The following SLC24A3 variants were observed in gnomAD, a reference collection of about 807,000 sequenced individuals.
SLC24A3 encodes the protein solute carrier family 24 member 3.
Under a neutral mutation model 75.8 loss-of-function variants are expected in SLC24A3, and 28 were observed. The observed-to-expected ratio is 0.37, with a 90% CI of 0.27 to 0.51. SLC24A3 has a LOEUF of 0.51. Ranked by LOEUF, SLC24A3 falls within the 20% of genes least tolerant of loss-of-function variation. The pLI, the probability that SLC24A3 is intolerant of heterozygous loss-of-function variation, is 0.94. For synonymous variants in SLC24A3, 372 were observed against 334.1 expected (o/e 1.11, Z -1.24); for missense variants, 663 against 847.8 (o/e 0.78, Z 2.71).
At chr20:19,231,850 A>G (rs1982031710) in intron 1 of SLC24A3, among the ~76,000 whole-genome samples, 1 of 152,236 alleles carries the variant, frequency 6.6e-6, no homozygotes, top group Non-Finnish European at 1.5e-5. Flanking sequence ...CACCCACCAC[A>G]TGGAAATTTA....
chr20:19,393,213 T>C (rs573223481), intron 2 of SLC24A3, among the ~76,000 whole-genome samples: 1 of 152,296 alleles, frequency 6.6e-6, no homozygotes, highest in East Asian at 1.9e-4. Context: ...TCATTCTTTA[T>C]GATGAAAGAC....
chr20:19,694,327 T>G (rs1386751408), intron 13 of SLC24A3: 1 of 152,160 alleles, frequency 6.6e-6, no homozygotes, highest in Non-Finnish European at 1.5e-5. Flanking sequence ...GAGTGTTGGA[T>G]AGAAATGTAA....
intron 8 of SLC24A3, among the ~76,000 whole-genome samples, chr20:19,670,527 T>TA (rs1431555040): frequency 2.0e-5 from 3 of 152,236 alleles, no homozygotes; most frequent in Non-Finnish European, 4.4e-5. Context: ...AGAGCATACA[T>TA]ACGCCTGTTT....
chr20:19,256,511 G>C (rs908876915), intron 1 of SLC24A3, among the ~76,000 whole-genome samples: 1 of 152,164 alleles, frequency 6.6e-6, no homozygotes, highest in African/African-American at 2.4e-5. Flanking sequence ...GCTCACGCTT[G>C]TAATTCCGGC....
At chr20:19,585,392 A>G (rs751792543) in intron 5 of SLC24A3, 49 bp from the exon 6 acceptor site, 1 of 1,564,482 alleles carries the variant, frequency 6.4e-7, no homozygotes, top group African/African-American at 1.4e-5. Context: ...CCCACCTTGG[A>G]ATGCAACAGG....
At chr20:19,365,912 T>C (rs1236870956) in intron 2 of SLC24A3, among the ~76,000 whole-genome samples, 2 of 152,236 alleles carry the variant, frequency 1.3e-5, no homozygotes, top group Admixed American at 6.5e-5. Flanking sequence ...TCCTTTATTA[T>C]CTGTTTTTTC....
intron 2 of SLC24A3, among the ~76,000 whole-genome samples, chr20:19,289,933 G>A (rs148038045): frequency 0.01 from 1,545 of 152,298 alleles, 14 homozygotes; most frequent in Non-Finnish European, 0.015. Flanking sequence ...CTCTAAGGTT[G>A]CCTGTCTCCC....
At chr20:19,436,573 G>A (rs1321375655) in intron 2 of SLC24A3, among the ~76,000 whole-genome samples, 2 of 152,160 alleles carry the variant, frequency 1.3e-5, no homozygotes, top group Non-Finnish European at 2.9e-5. Context: ...AGCCCAGGAG[G>A]TCTTCTGGCT....
intron 1 of SLC24A3, among the ~76,000 whole-genome samples, chr20:19,252,468 G>T (rs1343827856): frequency 6.6e-6 from 1 of 152,184 alleles, no homozygotes; most frequent in Admixed American, 6.5e-5. Flanking sequence ...CAATATACTT[G>T]TGGTCATAGG....
At chr20:19,249,959 G>A (rs1374490801) in intron 1 of SLC24A3, among the ~76,000 whole-genome samples, 2 of 152,214 alleles carry the variant, frequency 1.3e-5, no homozygotes, top group African/African-American at 2.4e-5. Flanking sequence ...GTTCTTTGGA[G>A]GAGTCTTTGT....
At chr20:19,467,198 C>T (rs1039780243) in intron 2 of SLC24A3, among the ~76,000 whole-genome samples, 1 of 151,996 alleles carries the variant, frequency 6.6e-6, no homozygotes, top group African/African-American at 2.4e-5. Context: ...ATTGAGTGGT[C>T]CAGGGAAGAG....
In SLC24A3 at chr20:19,551,459, G is replaced by T. The variant is rs552865243; in HGVS notation, c.349-28541G>T. On this transcript the variant is annotated intron_variant, in intron 3 of 16. Coordinates refer to ENST00000328041, the MANE Select transcript of SLC24A3 (RefSeq NM_020689.4). ...ATTGAAACCTCCAAATATTAAAACA[G>T]AAGTGGTATTTTAAATGAATTATGA... Among the ~76,000 whole-genome samples the T allele has an allele frequency of 3.6e-4, 55 of 152,292 alleles. 1 individual carries two copies. The South Asian group carries it at 6.9e-3, about 19-fold the overall frequency.
At chr20:19,576,295 G>T (rs1056544311) in intron 3 of SLC24A3, among the ~76,000 whole-genome samples, 5 of 152,294 alleles carry the variant, frequency 3.3e-5, no homozygotes, top group African/African-American at 7.2e-5. Context: ...ATTTGTGCTA[G>T]TTGTATTAAT....
intron 2 of SLC24A3, among the ~76,000 whole-genome samples, chr20:19,458,203 G>A (rs1240864607): frequency 2.0e-5 from 3 of 151,996 alleles, no homozygotes; most frequent in African/African-American, 7.3e-5. Context: ...ACACACGTAC[G>A]TCTATGTTCA....
intron 2 of SLC24A3, among the ~76,000 whole-genome samples, chr20:19,288,840 TA>T (rs1488281304): frequency 6.6e-6 from 1 of 152,220 alleles, no homozygotes; most frequent in East Asian, 1.9e-4. Flanking sequence ...TCTTTGTGAA[TA>T]AAGTTTTATT....
At chr20:19,691,507 C>G (rs1479050814) in intron 12 of SLC24A3, among the ~76,000 whole-genome samples, 2 of 152,120 alleles carry the variant, frequency 1.3e-5, no homozygotes, top group African/African-American at 4.8e-5. Flanking sequence ...GTGGAAGGTT[C>G]TAGAACAATT....
chr20:19,429,536 T>C (rs6035334), intron 2 of SLC24A3, among the ~76,000 whole-genome samples: 61,101 of 152,032 alleles, frequency 0.4, 12,430 homozygotes, highest in East Asian at 0.54. Context: ...TTTCTTGAGT[T>C]AAGCTTAGCC....
intron 2 of SLC24A3, among the ~76,000 whole-genome samples, chr20:19,332,294 G>A (rs1985017077): frequency 6.6e-6 from 1 of 152,118 alleles, no homozygotes; most frequent in Non-Finnish European, 1.5e-5. Flanking sequence ...CACCGCTGTG[G>A]CCTCTCTGGG....
At chr20:19,456,135 G>T (rs1987574032) in intron 2 of SLC24A3, among the ~76,000 whole-genome samples, 1 of 152,072 alleles carries the variant, frequency 6.6e-6, no homozygotes, top group Non-Finnish European at 1.5e-5. Context: ...TTGAAGGAAA[G>T]ACCCTTTAGA....
Sources: allele counts gnomAD v4.1 joint callset (sites outside exome capture counted in the v4.1 genomes callset), GRCh38; gene constraint gnomAD v4.1.1; transcripts MANE v1.5; gene names NCBI Gene and HGNC (gene_info 2026-07-23, HGNC 2026-07-21).